The following TRIO variants were observed in gnomAD, a reference collection of about 807,000 sequenced individuals.
TRIO encodes the protein triple functional domain protein.
A neutral mutation model predicts 351.9 loss-of-function variants in TRIO; 58 were observed. The observed-to-expected ratio is 0.16, with a 90% CI of 0.13 to 0.21. TRIO has a LOEUF of 0.21. Among genes scored for constraint, TRIO ranks in the 10% least tolerant of loss-of-function variants. The pLI, the probability that TRIO is intolerant of heterozygous loss-of-function variation, is 1.00. For missense variants in TRIO, 3,201 were observed against 4,027.8 expected (o/e 0.79, Z 5.56); for synonymous variants, 1,758 against 1,595.7 (o/e 1.10, Z -2.42).
intron 2 of TRIO, among the ~76,000 whole-genome samples, chr5:14,276,426 T>G (rs2152273695): frequency 6.6e-6 from 1 of 152,336 alleles, no homozygotes; most frequent in East Asian, 1.9e-4. Context: ...GCTGGCGAGG[T>G]GCTCGCCTTG....
At chr5:14,238,916 G>A (rs1258351368) in intron 1 of TRIO, among the ~76,000 whole-genome samples, 1 of 152,166 alleles carries the variant, frequency 6.6e-6, no homozygotes, top group Non-Finnish European at 1.5e-5. Flanking sequence ...ATTTTCTCAT[G>A]GAAAATAAGT....
intron 9 of TRIO, among the ~76,000 whole-genome samples, chr5:14,322,245 G>C (rs1314378073): frequency 6.6e-6 from 1 of 152,186 alleles, no homozygotes; most frequent in Admixed American, 6.5e-5. Flanking sequence ...AGATTCTTTG[G>C]GGTTAAAAGT....
At chr5:14,440,810 G>A (rs1486719429) in intron 34 of TRIO, 1 of 152,192 alleles carries the variant, frequency 6.6e-6, no homozygotes, top group Non-Finnish European at 1.5e-5. Context: ...ATTCAGAACG[G>A]CCTGCGTGGG....
At chr5:14,223,419 C>T (rs555244149) in intron 1 of TRIO, among the ~76,000 whole-genome samples, 7 of 152,186 alleles carry the variant, frequency 4.6e-5, no homozygotes, top group Non-Finnish European at 1.0e-4. Context: ...CCTCCAGGAG[C>T]AGGCTCTCCT....
intron 1 of TRIO, among the ~76,000 whole-genome samples, chr5:14,210,284 C>G (rs917961591): frequency 1.3e-5 from 2 of 152,200 alleles, no homozygotes; most frequent in Non-Finnish European, 2.9e-5. Context: ...GATGTAGAAA[C>G]AGAGTCTAGG....
At position 14,460,167 on chromosome 5, in the gene TRIO, C is replaced by T. The variant is rs376393269; in HGVS notation, c.5204-852C>T. Reference sequence around the variant, plus strand: ...TCCTGACCTCGTGATCCACCTGCCTCGGCCTCCCAAAGTGCTGGGATTACA... The same window carrying T: ...TCCTGACCTCGTGATCCACCTGCCTTGGCCTCCCAAAGTGCTGGGATTACA... On this transcript the variant is annotated intron_variant, in intron 34 of 56. Transcript: ENST00000344204. Among the ~76,000 whole-genome samples the T allele has an allele frequency of 1.2e-3, 177 of 152,316 alleles. 1 individual carries two copies. The highest frequency in any genetic ancestry group is 3.8e-3 in the African/African-American group (159 of 41,572).
intron 48 of TRIO, among the ~76,000 whole-genome samples, chr5:14,490,038 G>T (rs1160051358): frequency 6.6e-6 from 1 of 152,194 alleles, no homozygotes; most frequent in Non-Finnish European, 1.5e-5. Context: ...CAGCGCTTTG[G>T]GAGGCCGAGA....
At position 14,374,311 on chromosome 5, in the gene TRIO, C is replaced by T. The variant is rs755673302; in HGVS notation, c.3299C>T (p.Thr1100Met). The T allele has an allele frequency of 1.3e-5, 21 of 1,613,340 alleles. No homozygotes were observed. The East Asian group carries it at 1.8e-4, about 14-fold the overall frequency. Residue 1100 changes from threonine (T) to methionine (M), a missense_variant, in exon 19 of 57, where the codon ACG (threonine) becomes ATG (methionine). By Grantham distance (81) the Thr-to-Met change is moderately conservative (BLOSUM62 -1). Coordinates refer to ENST00000344204, the MANE Select transcript of TRIO (RefSeq NM_007118.4). ...RNSVNMPGMV[T>M]HIKAPEQQVK... The stretch of plus-strand genomic sequence containing the variant: ...AGCGTGAACATGCCAGGAATGGTGA[C>T]GCACATCAAAGCTCCTGAACAGCAA...
rs1756057432 is a variant in TRIO at position 14,487,693 on chromosome 5, T to G, written c.7065T>G (p.Ser2355=). The G allele has an allele frequency of 2.1e-6, 3 of 1,435,188 alleles. No individual in the cohort carries two copies. Among genetic ancestry groups the G allele is most frequent in the South Asian group, 1.4e-5 (1 of 71,116 alleles). 88.9% of individuals were successfully genotyped at this position (1,435,188 alleles called of 1,614,324 possible). The part of the protein sequence containing the change: ...VRHHPPVLVS[S]AASSQAEADK... ...ACCACCCCCCCGTGCTGGTCTCCTC[T>G]GCAGCCTCGAGCCAGGCAGAGGCAG... The change falls in exon 48 of 57, where the codon TCT becomes TCG. Residue 2355 remains serine (S), a synonymous_variant. Transcript: ENST00000344204.
At chr5:14,444,449 T>A (rs1752291466) in intron 34 of TRIO, among the ~76,000 whole-genome samples, 1 of 152,222 alleles carries the variant, frequency 6.6e-6, no homozygotes, top group South Asian at 2.1e-4. Flanking sequence ...GTGAATGGTT[T>A]AAGACAGGAT....
At chr5:14,390,522 G>A (rs571940627) in intron 26 of TRIO, 3 of 579,126 alleles carry the variant, frequency 5.2e-6, no homozygotes, top group Admixed American at 6.7e-5. Context: ...AATATTTAGT[G>A]TGCCAGGTCT....
At chr5:14,163,482 G>A (rs1382260268) in intron 1 of TRIO, among the ~76,000 whole-genome samples, 3 of 152,170 alleles carry the variant, frequency 2.0e-5, no homozygotes, top group African/African-American at 7.2e-5. Flanking sequence ...GGGATTATAG[G>A]TGTGAGCCAC....
chr5:14,405,737 A>G, intron 31 of TRIO, 111 bp from the exon 32 acceptor site: 1 of 1,346,634 alleles, frequency 7.4e-7, no homozygotes, highest in Non-Finnish European at 9.8e-7. Flanking sequence ...TTTCTGCTAA[A>G]AAGTCATTTT....
chr5:14,324,641 C>T (rs939961666), intron 9 of TRIO, among the ~76,000 whole-genome samples: 1 of 152,130 alleles, frequency 6.6e-6, no homozygotes, highest in African/African-American at 2.4e-5. Context: ...TTGAGAAGAC[C>T]TCCATTTGAA....
intron 3 of TRIO, among the ~76,000 whole-genome samples, chr5:14,285,609 GAATT>G (rs1736373696): frequency 6.6e-6 from 1 of 151,968 alleles, no homozygotes; most frequent in African/African-American, 2.4e-5. Context: ...TTTTAATTTT[GAATT>G]AATTTTATTT....
chr5:14,488,837 G>A (rs1036068319), intron 48 of TRIO: 10 of 687,668 alleles, frequency 1.5e-5, no homozygotes, highest in African/African-American at 1.1e-4. Context: ...TGTTGCTCTG[G>A]AAGACAGAGA....
intron 1 of TRIO, among the ~76,000 whole-genome samples, chr5:14,191,662 GAGA>G (rs1790466394): frequency 6.6e-6 from 1 of 151,974 alleles, no homozygotes; most frequent in Non-Finnish European, 1.5e-5. Flanking sequence ...TATTTTCTTA[GAGA>G]AGATTAAAAT....
At chr5:14,216,327 C>T (rs1386410176) in intron 1 of TRIO, among the ~76,000 whole-genome samples, 1 of 152,184 alleles carries the variant, frequency 6.6e-6, no homozygotes, top group African/African-American at 2.4e-5. Context: ...GTCTCAGAGC[C>T]AGCCATAGAA....
intron 53 of TRIO, 104 bp downstream of exon 53, chr5:14,498,744 A>T: frequency 6.6e-7 from 1 of 1,521,438 alleles, no homozygotes; most frequent in Admixed American, 1.8e-5. Flanking sequence ...GGCCTGAAAG[A>T]TAGAACAATA....
Sources: allele counts gnomAD v4.1 joint callset (sites outside exome capture counted in the v4.1 genomes callset), GRCh38; gene constraint gnomAD v4.1.1; transcripts MANE v1.5; gene names NCBI Gene and HGNC (gene_info 2026-07-23, HGNC 2026-07-21).